RADIL: variants seen among roughly 807,000 people sequenced by gnomAD.
The protein encoded by RADIL is ras-associating and dilute domain-containing protein.
A neutral mutation model predicts 97.6 loss-of-function variants in RADIL; 99 were observed. That is an observed-to-expected ratio of 1.01 (90% CI 0.86 to 1.20). The LOEUF (loss-of-function observed/expected upper bound fraction) is 1.20. RADIL is among the 50% of genes most tolerant of loss of function. The probability of loss-of-function intolerance (pLI) is 0.00; values close to 1 mark genes in which losing one functional copy is unlikely to be tolerated. For missense variants in RADIL, 1,765 were observed against 1,498.9 expected (o/e 1.18, Z -2.93); for synonymous variants, 803 against 691.8 (o/e 1.16, Z -2.52).
rs1336192826 is a variant in RADIL at position 4,822,291 on chromosome 7, C to A, written c.1615+103G>T. 3.0e-6 allele frequency: 4 copies of A among 1,355,488 alleles called. No individual in the cohort carries two copies. The highest frequency in any genetic ancestry group is 1.5e-5 in the South Asian group (1 of 67,594). The allele number at this position is 1,355,488 out of a possible 1,614,324, so 84.0% of individuals were successfully genotyped here. A position where few individuals can be genotyped will look rare whatever the true frequency, so the allele number is the denominator to read the frequency against. Reference sequence around the variant, plus strand: ...TGAGGAAGCCCCCGGCATGAATCCACCCCTGCTATCATGGCCAACTAGGTT... The same window carrying A: ...TGAGGAAGCCCCCGGCATGAATCCAACCCTGCTATCATGGCCAACTAGGTT... On this transcript the variant is annotated intron_variant, in intron 6 of 14. Coordinates refer to ENST00000399583, the MANE Select transcript of RADIL (RefSeq NM_018059.5). The surrounding 1 kb of genome is among the most constrained non-coding windows in gnomAD (Gnocchi z 5.3).
rs779886757 is a variant in RADIL at position 4,867,130 on chromosome 7, C to A, written c.535+10475G>T. Reference sequence around the variant, plus strand: ...ATAAACCTCTTTTCCTTATACATTACCAGCCACAGGTATTCTGCTGTGGCA... The same window carrying A: ...ATAAACCTCTTTTCCTTATACATTAACAGCCACAGGTATTCTGCTGTGGCA... On this transcript the variant is annotated intron_variant, in intron 2 of 14. Transcript: ENST00000399583. The surrounding 1 kb of genome is among the most constrained non-coding windows in gnomAD (Gnocchi z 4.1). 4.6e-5 allele frequency among the ~76,000 whole-genome samples: 7 copies of A among 152,292 alleles called. No individual in the cohort carries two copies. Among genetic ancestry groups the A allele is most frequent in the Non-Finnish European group, 1.0e-4 (7 of 68,028 alleles).
chr7:4,861,148 G>T, intron 2 of RADIL: 2 of 1,614,222 alleles, frequency 1.2e-6, no homozygotes, highest in African/African-American at 1.3e-5. Flanking sequence ...GAGTCAGCCT[G>T]AAGTTGTCAA....
chr7:4,821,184 A>G lies in RADIL; in HGVS notation c.1615+1210T>C, dbSNP rs1782821275. Among the ~76,000 whole-genome samples, 1 of 152,002 alleles carries G rather than the reference A, an allele frequency of 6.6e-6. No individual in the cohort carries two copies. The highest frequency in any genetic ancestry group is 2.1e-4 in the South Asian group (1 of 4,814). ...AGCAGCTCTGAATGCACCACTCCCT[A>G]CCCGGATCCTCCAGAAGCCAGACCG... is the stretch of plus-strand genomic sequence containing the variant. On this transcript the variant is annotated intron_variant, in intron 6 of 14. Coordinates refer to ENST00000399583, the MANE Select transcript of RADIL (RefSeq NM_018059.5). This position sits in a 1 kb window ranked among gnomAD's most constrained non-coding sequence, Gnocchi z 5.2.
chr7:4,881,414 C>CAAA (rs58871429), intron 1 of RADIL, among the ~76,000 whole-genome samples: 16 of 82,282 alleles, frequency 1.9e-4, no homozygotes, highest in Middle Eastern at 8.5e-3. Flanking sequence ...GACTCCCTCT[C>CAAA]AAAAAAAAAA....
chr7:4,807,253 G>A (rs1194796016), intron 9 of RADIL, among the ~76,000 whole-genome samples: 1 of 151,936 alleles, frequency 6.6e-6, no homozygotes. Context: ...TCGTGCAGGA[G>A]GGGTGAGGGC....
rs1163524455 is a variant in RADIL at position 4,813,254 on chromosome 7, C to T, written c.2139+2024G>A. Among the ~76,000 whole-genome samples the T allele has an allele frequency of 2.0e-5, 3 of 152,148 alleles. No homozygotes were observed. The highest frequency in any genetic ancestry group is 2.9e-5 in the Non-Finnish European group (2 of 68,046). On this transcript the variant is annotated intron_variant, in intron 9 of 14. Transcript: ENST00000399583. This position sits in a 1 kb window ranked among gnomAD's most constrained non-coding sequence, Gnocchi z 5.0. ...TCAACCTCCCAAGTAGCTGGCACTA[C>T]AGGCGTTTGCCCCATGCCTGCCTCT...
intron 9 of RADIL, chr7:4,806,122 A>G: frequency 1.1e-6 from 1 of 874,980 alleles, no homozygotes; most frequent in Non-Finnish European, 1.4e-6. Context: ...TTCATCATTT[A>G]GGTGACAGGA....
chr7:4,813,012 G>A lies in RADIL; in HGVS notation c.2139+2266C>T, dbSNP rs1178080925. On this transcript the variant is annotated intron_variant, in intron 9 of 14. Transcript: ENST00000399583. The surrounding 1 kb of genome is among the most constrained non-coding windows in gnomAD (Gnocchi z 5.0). ...CCAATGAACTTAATGCTGAGTTGGG[G>A]TTGGCAAGCTTTTGGTGAGGCTCAG... Among the ~76,000 whole-genome samples, 1 of 152,106 alleles carries A rather than the reference G, an allele frequency of 6.6e-6. No homozygotes were observed.
chr7:4,819,853 C>T lies in RADIL; in HGVS notation c.1616-2502G>A, dbSNP rs749991468. ...GGCATCCCTGGGCCCTGGCTCCCAT[C>T]GCCGGGCCAAACACTGCTCAGGCCC... On this transcript the variant is annotated intron_variant, in intron 6 of 14. Coordinates refer to ENST00000399583, the MANE Select transcript of RADIL (RefSeq NM_018059.5). The surrounding 1 kb of genome is among the most constrained non-coding windows in gnomAD (Gnocchi z 5.8). 5.1e-4 allele frequency among the ~76,000 whole-genome samples: 77 copies of T among 152,330 alleles called. No individual in the cohort carries two copies. The highest frequency in any genetic ancestry group is 3.4e-3 in the Middle Eastern group (1 of 294).
chr7:4,809,662 T>TTTAC, intron 9 of RADIL: 1 of 946,318 alleles, frequency 1.1e-6, no homozygotes, highest in South Asian at 4.9e-5. Context: ...TCTTATTTTA[T>TTTAC]TTATTTATTT....
In RADIL at chr7:4,866,091, C is replaced by T. The variant is rs182469593; in HGVS notation, c.535+11514G>A. Among the ~76,000 whole-genome samples the T allele has an allele frequency of 2.6e-5, 4 of 152,246 alleles. No individual in the cohort carries two copies. In the East Asian group the frequency reaches 7.7e-4, roughly 29 times the overall value. ...TATCACCATCATTAACGATGCATGA[C>T]TGTATATGTTTTTTGAGTGATTATA... On this transcript the variant is annotated intron_variant, in intron 2 of 14. Coordinates refer to ENST00000399583, the MANE Select transcript of RADIL (RefSeq NM_018059.5).
In RADIL at chr7:4,834,505, G is replaced by C. The variant is rs1783237026; in HGVS notation, c.1416+102C>G. 23 of 1,207,796 alleles carry C rather than the reference G, an allele frequency of 1.9e-5. No homozygotes were observed. Among genetic ancestry groups the C allele is most frequent in the Non-Finnish European group, 2.4e-5 (23 of 962,472 alleles). The allele number at this position is 1,207,796 out of a possible 1,614,324, so 74.8% of individuals were successfully genotyped here. A position where few individuals can be genotyped will look rare whatever the true frequency, so the allele number is the denominator to read the frequency against. On this transcript the variant is annotated intron_variant, in intron 4 of 14. Transcript: ENST00000399583. This position sits in a 1 kb window ranked among gnomAD's most constrained non-coding sequence, Gnocchi z 6.0. ...GCGCTCAGCAGCACAGCACCGTGGG[G>C]GTCAGATAGAGGCGCTCCCGCCTCC...
At chr7:4,806,679 T>C (rs555757146) in intron 9 of RADIL, among the ~76,000 whole-genome samples, 36 of 152,362 alleles carry the variant, frequency 2.4e-4, no homozygotes, top group Middle Eastern at 6.8e-3. Flanking sequence ...CCTGTTTCTA[T>C]GGAATAGATC....
chr7:4,857,165 A>C (rs1360773237), intron 2 of RADIL, among the ~76,000 whole-genome samples: 1 of 152,204 alleles, frequency 6.6e-6, no homozygotes, highest in Non-Finnish European at 1.5e-5. Flanking sequence ...GGTGCAGACA[A>C]GTTTTAAATC....
In RADIL at chr7:4,821,394, GCCCCGTCTGGCT is replaced by G. The variant is rs1349381455; in HGVS notation, c.1615+988_1615+999del. Among the ~76,000 whole-genome samples, 2 of 152,182 alleles carry G rather than the reference GCCCCGTCTGGCT, an allele frequency of 1.3e-5. No individual in the cohort carries two copies. Among genetic ancestry groups the G allele is most frequent in the Non-Finnish European group, 2.9e-5 (2 of 68,018 alleles). ...CGCAGCACAGCAGCACAGTCCTGCT[GCCCCGTCTGGCT>G]CCATTCCAGGCCCCACACAGTCCTT... On this transcript the variant is annotated intron_variant, in intron 6 of 14. Transcript: ENST00000399583. The surrounding 1 kb of genome is among the most constrained non-coding windows in gnomAD (Gnocchi z 5.2).
At position 4,821,848 on chromosome 7, in the gene RADIL, T is replaced by A. The variant is rs973627634; in HGVS notation, c.1615+546A>T. Reference sequence around the variant, plus strand: ...TCCAGCCTGGGTGACAGAGCGAGACTCCGTCTCAAAAAAAGAAAAAGAAAT... The same window carrying A: ...TCCAGCCTGGGTGACAGAGCGAGACACCGTCTCAAAAAAAGAAAAAGAAAT... On this transcript the variant is annotated intron_variant, in intron 6 of 14. Coordinates refer to ENST00000399583, the MANE Select transcript of RADIL (RefSeq NM_018059.5). The surrounding 1 kb of genome is among the most constrained non-coding windows in gnomAD (Gnocchi z 5.2). Among the ~76,000 whole-genome samples, 2 of 152,100 alleles carry A rather than the reference T, an allele frequency of 1.3e-5. No individual in the cohort carries two copies. The highest frequency in any genetic ancestry group is 2.9e-5 in the Non-Finnish European group (2 of 68,026).
chr7:4,861,941 C>A, intron 2 of RADIL: 1 of 505,820 alleles, frequency 2.0e-6, no homozygotes, highest in Non-Finnish European at 3.3e-6. Context: ...CTCCCACTCC[C>A]GCTGCGCGCC....
chr7:4,860,436 A>G (rs1407270133), intron 2 of RADIL: 1 of 1,614,198 alleles, frequency 6.2e-7, no homozygotes, highest in Non-Finnish European at 8.5e-7. Flanking sequence ...TGGATATCAT[A>G]GGTGAGATCA....
chr7:4,866,770 T>A (rs1258400409), intron 2 of RADIL, among the ~76,000 whole-genome samples: 2 of 152,186 alleles, frequency 1.3e-5, no homozygotes, highest in African/African-American at 4.8e-5. Flanking sequence ...TTGTCCCCAC[T>A]AAAACTCATG....
Sources: allele counts gnomAD v4.1 joint callset (sites outside exome capture counted in the v4.1 genomes callset), GRCh38; gene constraint gnomAD v4.1.1; non-coding constraint Gnocchi (gnomAD v3.1); transcripts MANE v1.5; gene names NCBI Gene and HGNC (gene_info 2026-07-23, HGNC 2026-07-21).